MRAS: variants seen among roughly 807,000 people sequenced by gnomAD.
MRAS encodes the protein muscle RAS oncogene homolog, also known as ras-related protein M-Ras.
In MRAS, 4 loss-of-function variants were observed where a neutral mutation model predicts 20.9. The observed-to-expected ratio is 0.19, with a 90% CI of 0.09 to 0.44. The LOEUF is 0.44. Ranked by LOEUF, MRAS falls within the 20% of genes least tolerant of loss-of-function variation. MRAS has a pLI of 0.99. For synonymous variants in MRAS, 98 were observed against 102.9 expected (o/e 0.95, Z 0.29); for missense variants, 154 against 277.5 (o/e 0.56, Z 3.16).
intron 2 of MRAS, among the ~76,000 whole-genome samples, chr3:138,388,122 A>C (rs140396539): frequency 2.0e-5 from 3 of 152,276 alleles, no homozygotes; most frequent in African/African-American, 7.2e-5. Flanking sequence ...CCCTGCCAGC[A>C]TTTTGGAGAA....
At chr3:138,369,004 A>G (rs998032423) in intron 1 of MRAS, among the ~76,000 whole-genome samples, 11 of 152,110 alleles carry the variant, frequency 7.2e-5, no homozygotes, top group African/African-American at 2.7e-4. Context: ...CTTTGTTTCT[A>G]GCTCACACTT....
At chr3:138,385,504 ATTTAT>A (rs2054992977) in intron 2 of MRAS, among the ~76,000 whole-genome samples, 4 of 149,690 alleles carry the variant, frequency 2.7e-5, no homozygotes, top group Admixed American at 2.0e-4. Flanking sequence ...AAATATATAT[ATTTAT>A]TTATTTATTT....
chr3:138,404,843 C>T lies in MRAS; in HGVS notation c.*2574C>T, dbSNP rs2055427320. 2 of 152,116 alleles carry T rather than the reference C, an allele frequency of 1.3e-5. No individual in the cohort carries two copies. The highest frequency in any genetic ancestry group is 6.5e-5 in the Admixed American group (1 of 15,272). The allele number at this position is 152,116 out of a possible 1,614,324, so 9.4% of individuals were successfully genotyped here. On this transcript the variant is annotated 3_prime_UTR_variant, in exon 6 of 6. Transcript: ENST00000423968. ...CTGGTTGGCCACGCCACACCATGACCGAGGAGCCAACTGGGACTTCTGGCT... is the reference window on the plus strand; with the variant it reads ...CTGGTTGGCCACGCCACACCATGACTGAGGAGCCAACTGGGACTTCTGGCT...
chr3:138,388,312 A>G (rs181924363), intron 2 of MRAS, among the ~76,000 whole-genome samples: 295 of 152,252 alleles, frequency 1.9e-3, no homozygotes, highest in Middle Eastern at 3.4e-3. Context: ...TTTTGAATCT[A>G]TTCTTAAGCT....
At position 138,370,365 on chromosome 3, in the gene MRAS, G is replaced by A. The variant is rs572478225; in HGVS notation, c.-18-2501G>A. Among the ~76,000 whole-genome samples the A allele has an allele frequency of 8.5e-5, 13 of 152,278 alleles. No homozygotes were observed. In the South Asian group the frequency reaches 2.5e-3, roughly 29 times the overall value. On this transcript the variant is annotated intron_variant, in intron 1 of 5. Coordinates refer to ENST00000423968, the MANE Select transcript of MRAS (RefSeq NM_001085049.3). Reference sequence around the variant, plus strand: ...AAACACCTTTCACCCATAGCCCAGCGTCATTGCCCAGGACAGAGCAGCAGT... The same window carrying A: ...AAACACCTTTCACCCATAGCCCAGCATCATTGCCCAGGACAGAGCAGCAGT...
intron 1 of MRAS, among the ~76,000 whole-genome samples, chr3:138,357,131 G>C (rs1382293066): frequency 6.6e-6 from 1 of 152,260 alleles, no homozygotes; most frequent in Non-Finnish European, 1.5e-5. Flanking sequence ...GCATTTAACA[G>C]GAACTTTTTC....
chr3:138,397,194 C>A, intron 2 of MRAS, 130 bp from the exon 3 acceptor site: 1 of 1,081,268 alleles, frequency 9.2e-7, no homozygotes, highest in Non-Finnish European at 1.3e-6. Context: ...AGAGCTTATG[C>A]AGCCTCTCAC....
rs150176487 is a variant in MRAS at position 138,384,707 on chromosome 3, G to A, written c.193+11631G>A. 2.6e-3 allele frequency among the ~76,000 whole-genome samples: 391 copies of A among 152,274 alleles called. 3 individuals are homozygous for A. The highest frequency in any genetic ancestry group is 0.014 in the Middle Eastern group (4 of 294). ...TGGGTGGTGACCTGTAAAGCTGCAG[G>A]ATGAGAGATCACCAAGAATGTGACT... On this transcript the variant is annotated intron_variant, in intron 2 of 5. Transcript: ENST00000423968.
At chr3:138,376,013 C>CTT (rs1223376047) in intron 2 of MRAS, among the ~76,000 whole-genome samples, 1 of 152,048 alleles carries the variant, frequency 6.6e-6, no homozygotes, top group African/African-American at 2.4e-5. Context: ...AACAAAAAAA[C>CTT]TTTGTAAATA....
chr3:138,356,133 A>G (rs926437603), intron 1 of MRAS, among the ~76,000 whole-genome samples: 1 of 152,236 alleles, frequency 6.6e-6, no homozygotes. Context: ...AAATCCACAT[A>G]TGTGTTATAC....
At chr3:138,388,894 T>A (rs1379915657) in intron 2 of MRAS, among the ~76,000 whole-genome samples, 1 of 151,584 alleles carries the variant, frequency 6.6e-6, no homozygotes. Flanking sequence ...CAGGCTGGAG[T>A]GCAGTGGCGC....
chr3:138,358,777 G>T (rs1026095933), intron 1 of MRAS, among the ~76,000 whole-genome samples: 1 of 152,216 alleles, frequency 6.6e-6, no homozygotes, highest in Middle Eastern at 3.2e-3. Context: ...AGACAGCTGG[G>T]TGCTTTGGGA....
chr3:138,384,901 G>T (rs2054978865), intron 2 of MRAS, among the ~76,000 whole-genome samples: 2 of 152,338 alleles, frequency 1.3e-5, no homozygotes, highest in East Asian at 3.9e-4. Flanking sequence ...TGAGAGACCG[G>T]CCAGGAGCCC....
At chr3:138,350,205 T>G (rs1328723938) in intron 1 of MRAS, 2 of 152,214 alleles carry the variant, frequency 1.3e-5, no homozygotes, top group Admixed American at 6.5e-5. Flanking sequence ...TTCTCCTGCT[T>G]CTTTTCCCGG....
chr3:138,395,701 A>G (rs989729186), intron 2 of MRAS, among the ~76,000 whole-genome samples: 1 of 152,154 alleles, frequency 6.6e-6, no homozygotes, highest in Non-Finnish European at 1.5e-5. Flanking sequence ...TATCTCCACT[A>G]AAATAACAGC....
In MRAS at chr3:138,402,402, G is replaced by A. The variant is rs973411334; in HGVS notation, c.*133G>A. On this transcript the variant is annotated 3_prime_UTR_variant, in exon 6 of 6. Transcript: ENST00000423968. Reference sequence around the variant, plus strand: ...CTTGGTACAGGAAGGGAGAAGGGCAGGTGGGCAGGGAGCAGACAGGGTCTG... The same window carrying A: ...CTTGGTACAGGAAGGGAGAAGGGCAAGTGGGCAGGGAGCAGACAGGGTCTG... The A allele has an allele frequency of 1.0e-5, 8 of 776,036 alleles. No homozygotes were observed. In the Admixed American group the frequency reaches 1.2e-4, roughly 11 times the overall value. The allele number at this position is 776,036 out of a possible 1,614,324, so 48.1% of individuals were successfully genotyped here. A position where few individuals can be genotyped will look rare whatever the true frequency, so the allele number is the denominator to read the frequency against.
chr3:138,368,123 G>C (rs1001042198), intron 1 of MRAS, among the ~76,000 whole-genome samples: 1 of 152,218 alleles, frequency 6.6e-6, no homozygotes, highest in African/African-American at 2.4e-5. Context: ...GGATGGGGCT[G>C]CCTGGAACCT....
chr3:138,386,204 T>G (rs1308773167), intron 2 of MRAS, among the ~76,000 whole-genome samples: 2 of 152,140 alleles, frequency 1.3e-5, no homozygotes, highest in African/African-American at 4.8e-5. Context: ...GCCAACTCAT[T>G]CCTGAACGTA....
In MRAS at chr3:138,394,080, C is replaced by T. The variant is rs144344641; in HGVS notation, c.194-3244C>T. Among the ~76,000 whole-genome samples the T allele has an allele frequency of 2.1e-4, 32 of 150,132 alleles. No individual in the cohort carries two copies. The East Asian group carries it at 5.5e-3, about 26-fold the overall frequency. On this transcript the variant is annotated intron_variant, in intron 2 of 5. Transcript: ENST00000423968. ...TGTTTTATTAATTGCAGTTCTGAGT[C>T]GAATTTTTTTTTTTTTCTAAGAAAA...
Sources: gnomAD v4.1 joint callset for allele counts (sites outside exome capture counted in the v4.1 genomes callset) on GRCh38, gnomAD v4.1.1 for gene constraint, MANE v1.5 for transcripts, NCBI Gene and HGNC (gene_info 2026-07-23, HGNC 2026-07-21) for gene names.